WDR11: variants seen among roughly 807,000 people sequenced by gnomAD.
WDR11 encodes WD repeat domain 11.
A neutral mutation model predicts 151.2 loss-of-function variants in WDR11; 83 were observed. That is an observed-to-expected ratio of 0.55 (90% CI 0.46 to 0.66). The LOEUF is 0.66. Among genes scored for constraint, WDR11 ranks in the 30% least tolerant of loss-of-function variants. The pLI is 0.00. For missense variants in WDR11, 1,301 were observed against 1,480.9 expected, an observed-to-expected ratio of 0.88 and a Z score of 1.99; for synonymous variants, 484 against 533.1, an observed-to-expected ratio of 0.91 and a Z score of 1.27.
At position 120,890,157 on chromosome 10, in the gene WDR11, A is replaced by G. The variant is rs7097898; in HGVS notation, c.2343+148A>G. The stretch of plus-strand genomic sequence containing the variant: ...TAACAAATTATTTTCTTTACTTTAC[A>G]GTATTTGTGTTCTAAAGGTAACAAC... On this transcript the variant is annotated intron_variant, in intron 18 of 28. Transcript: ENST00000263461. The G allele has an allele frequency of 0.25, 153,583 of 619,134 alleles. 20,687 individuals carry two copies. The highest frequency in any genetic ancestry group is 0.39 in the African/African-American group (20,963 of 53,868). The allele number at this position is 619,134 out of a possible 1,614,324, so 38.4% of individuals were successfully genotyped here.
chr10:120,902,296 C>G lies in WDR11; in HGVS notation c.2727C>G (p.Leu909=). 6.2e-7 allele frequency: 1 copy of G among 1,614,138 alleles called. No individual in the cohort carries two copies. The highest frequency in any genetic ancestry group is 8.5e-7 in the Non-Finnish European group (1 of 1,179,986). The change falls in exon 22 of 29, where the codon CTC becomes CTG. Residue 909 remains leucine (L), a synonymous_variant. Transcript: ENST00000263461. The stretch of plus-strand genomic sequence containing the variant: ...TGTTGCTTGATCCAGAATTCACTCT[C>G]TTGCAGAGGTGCCTGCTTGTTTCAA... The part of the protein sequence containing the change: ...KKLLLDPEFT[L]LQRCLLVSRL...
At chr10:120,885,523 G>A (rs1847189271) in intron 14 of WDR11, among the ~76,000 whole-genome samples, 1 of 152,056 alleles carries the variant, frequency 6.6e-6, no homozygotes, top group African/African-American at 2.4e-5. Context: ...AGAGATGGGG[G>A]AGGAGACGAG....
chr10:120,894,725 C>T (rs183186064), intron 19 of WDR11, among the ~76,000 whole-genome samples: 1 of 152,264 alleles, frequency 6.6e-6, no homozygotes, highest in African/African-American at 2.4e-5. Flanking sequence ...ATGATTCATA[C>T]CTCACATAAC....
At chr10:120,889,708 C>T in intron 17 of WDR11, 187 bp from the exon 18 acceptor site, 2 of 608,886 alleles carry the variant, frequency 3.3e-6, no homozygotes, top group Non-Finnish European at 2.9e-6. Context: ...GTGGCCCCTG[C>T]AGAAGTCTTA....
intron 2 of WDR11, among the ~76,000 whole-genome samples, chr10:120,853,998 G>C (rs1471200058): frequency 6.6e-6 from 1 of 152,180 alleles, no homozygotes; most frequent in Non-Finnish European, 1.5e-5. Context: ...ATTAGAGATA[G>C]AGATTTGGAG....
chr10:120,890,191 T>G (rs773559063), intron 18 of WDR11, among the ~76,000 whole-genome samples, 182 bp downstream of exon 18: 46 of 72,674 alleles, frequency 6.3e-4, no homozygotes, highest in Non-Finnish European at 1.4e-3. Context: ...ACTCAAGATT[T>G]ATTTATTTAT....
At chr10:120,861,691 C>T (rs1317470607) in intron 4 of WDR11, among the ~76,000 whole-genome samples, 1 of 152,164 alleles carries the variant, frequency 6.6e-6, no homozygotes, top group Admixed American at 6.5e-5. Flanking sequence ...TGAATGCATC[C>T]TTTTTCCCTG....
At chr10:120,853,138 T>C (rs528729241) in intron 2 of WDR11, among the ~76,000 whole-genome samples, 2 of 152,236 alleles carry the variant, frequency 1.3e-5, no homozygotes, top group Admixed American at 1.3e-4. Context: ...AAAGCAAGAA[T>C]ATACACAGAA....
In WDR11 at chr10:120,865,029, A is replaced by C; in HGVS notation, c.714-18A>C. On this transcript the variant is annotated intron_variant, in intron 5 of 28. Transcript: ENST00000263461. ...ATAAATGAAGTCTTTGACCCAAGTG[A>C]ATGTTTACTTTTTTCAGTGCTGAAT... 1 of 1,613,562 alleles carries C rather than the reference A, an allele frequency of 6.2e-7. No individual in the cohort carries two copies. The highest frequency in any genetic ancestry group is 8.5e-7 in the Non-Finnish European group (1 of 1,179,616).
rs771423568 is a variant in WDR11, at chr10:120,862,930, C to T, written c.713+9C>T. On this transcript the variant is annotated intron_variant, in intron 5 of 28. Coordinates refer to ENST00000263461, the MANE Select transcript of WDR11 (RefSeq NM_018117.12). ...ACTCAAGAGAAACCTAGGTAAGTTA[C>T]AAGTGTAAAATTAACATTCATCTAC... 1.4e-5 allele frequency: 22 copies of T among 1,573,296 alleles called. No individual in the cohort carries two copies. Among genetic ancestry groups the T allele is most frequent in the Non-Finnish European group, 1.8e-5 (21 of 1,143,126 alleles).
intron 11 of WDR11, among the ~76,000 whole-genome samples, chr10:120,874,212 G>GTTTTTTTTTTTTTTTTTTTTTTTT: frequency 1.0e-5 from 1 of 98,944 alleles, no homozygotes. Context: ...GTTGTTGTTT[G>GTTTTTTTTTTTTTTTTTTTTTTTT]TTTTGTTTTG....
chr10:120,903,287 CTT>C (rs1205298633), intron 23 of WDR11, 55 bp downstream of exon 23: 1 of 1,592,654 alleles, frequency 6.3e-7, no homozygotes, highest in African/African-American at 1.3e-5. Context: ...TTACTTATAT[CTT>C]TGTCAATATC....
rs960415443 is a variant in WDR11 at position 120,885,869 on chromosome 10, G to A, written c.1904G>A (p.Arg635Gln). Residue 635 changes from arginine (R) to glutamine (Q), a missense_variant, in exon 15 of 29, where the codon CGA becomes CAA. This residue lies in a region of WDR11 where 20 missense variants were observed against 47.8 expected (regional missense o/e 0.42). Coordinates refer to ENST00000263461, the MANE Select transcript of WDR11 (RefSeq NM_018117.12). ...KSLRKKQLAT[R>Q]EAMARQTVVS... ...CTGAGAAAGAAGCAACTTGCAACTC[G>A]AGAGGCCATGGCCCGCCAGACCGTA... is the stretch of plus-strand genomic sequence containing the variant. 14 of 1,613,718 alleles carry A rather than the reference G, an allele frequency of 8.7e-6. No individual in the cohort carries two copies. Among genetic ancestry groups the A allele is most frequent in the East Asian group, 4.5e-5 (2 of 44,876 alleles).
chr10:120,854,193 C>T (rs1278518066), intron 2 of WDR11, among the ~76,000 whole-genome samples: 1 of 152,170 alleles, frequency 6.6e-6, no homozygotes, highest in African/African-American at 2.4e-5. Context: ...TCCCCCATTT[C>T]CCTCATCCTT....
chr10:120,881,729 G>A (rs1847013277), intron 13 of WDR11, among the ~76,000 whole-genome samples: 2 of 152,016 alleles, frequency 1.3e-5, no homozygotes, highest in South Asian at 2.1e-4. Context: ...ACCATGCTAA[G>A]CTTAGTTATT....
chr10:120,852,546 T>G lies in WDR11; in HGVS notation c.109T>G (p.Tyr37Asp), dbSNP rs776728184. The G allele has an allele frequency of 1.2e-5, 19 of 1,613,974 alleles. No individual in the cohort carries two copies. Among genetic ancestry groups the G allele is most frequent in the Non-Finnish European group, 1.6e-5 (19 of 1,179,988 alleles). The change falls in exon 2 of 29, where the codon TAT (tyrosine) becomes GAT (aspartate). Residue 37 changes from tyrosine to aspartate, a missense_variant. By Grantham distance (160) the Tyr-to-Asp change is radical. Transcript: ENST00000263461. ...TAGGGGCTGGCAAGGTTTAATTGCT[T>G]ATGGATGTCATTCACTTGTGGTAGT... ...VDWGWQGLIAYGCHSLVVVID... is the reference protein window; with the variant it reads ...VDWGWQGLIADGCHSLVVVID...
intron 19 of WDR11, among the ~76,000 whole-genome samples, chr10:120,894,064 G>A (rs2133798766): frequency 6.6e-6 from 1 of 151,526 alleles, no homozygotes. Context: ...CATTGCTTTT[G>A]GTGTTTTAGA....
chr10:120,851,567 GA>G (rs1237113104), intron 1 of WDR11, 61 bp downstream of exon 1: 1 of 1,566,714 alleles, frequency 6.4e-7, no homozygotes, highest in African/African-American at 1.3e-5. Context: ...GGGGAAGGGG[GA>G]AGGACAAGAG....
chr10:120,884,549 C>CA (rs2133782261), intron 14 of WDR11, among the ~76,000 whole-genome samples: 1 of 150,544 alleles, frequency 6.6e-6, no homozygotes, highest in African/African-American at 2.4e-5. Context: ...TAACAAAATA[C>CA]AAAATATTGC....
Sources: gnomAD v4.1 joint callset for allele counts (sites outside exome capture counted in the v4.1 genomes callset) on GRCh38, gnomAD v4.1.1 for gene constraint, gnomAD v4.1.1 regional missense constraint, MANE v1.5 for transcripts, NCBI Gene and HGNC (gene_info 2026-07-23, HGNC 2026-07-21) for gene names.